ZIM2: variants seen among roughly 807,000 people sequenced by gnomAD.
The protein encoded by ZIM2 is zinc finger imprinted 2.
In ZIM2, 14 loss-of-function variants were observed where a neutral mutation model predicts 38.6. The observed-to-expected ratio is 0.36, with a 90% CI of 0.24 to 0.57. The LOEUF is 0.57. Ranked by LOEUF, ZIM2 falls within the 20% of genes least tolerant of loss-of-function variation. The probability of loss-of-function intolerance (pLI) is 0.81; values close to 1 mark genes in which losing one functional copy is unlikely to be tolerated. For missense variants in ZIM2, 680 were observed against 695.1 expected, an observed-to-expected ratio of 0.98 and a Z score of 0.24; for synonymous variants, 247 against 245.8, an observed-to-expected ratio of 1.00 and a Z score of -0.04.
chr19:56,814,415 G>A lies in ZIM2; in HGVS notation c.490+3331C>T. 2 of 1,613,940 alleles carry A rather than the reference G, an allele frequency of 1.2e-6. No homozygotes were observed. The highest frequency in any genetic ancestry group is 1.7e-6 in the Non-Finnish European group (2 of 1,179,830). ...TTATGTTTAGTGAGGACTGTGCTATGAATAAAGGACTTACCACAATCCTTG... is the reference window on the plus strand; with the variant it reads ...TTATGTTTAGTGAGGACTGTGCTATAAATAAAGGACTTACCACAATCCTTG... On this transcript the variant is annotated intron_variant, in intron 9 of 12. Coordinates refer to ENST00000629319, the MANE Select transcript of ZIM2 (RefSeq NM_001387356.1). The surrounding 1 kb of genome is among the most constrained non-coding windows in gnomAD (Gnocchi z 5.8).
chr19:56,816,204 GTCC>G, intron 9 of ZIM2: 1 of 1,614,066 alleles, frequency 6.2e-7, no homozygotes, highest in Non-Finnish European at 8.5e-7. Context: ...ACGCCTTTTC[GTCC>G]TCATCACTTT....
At chr19:56,793,158 G>C (rs935181409) in intron 9 of ZIM2, 1 of 152,650 alleles carries the variant, frequency 6.6e-6, no homozygotes, top group Non-Finnish European at 1.5e-5. Flanking sequence ...CCTTGGTGAG[G>C]ATCTCTGGCT....
At chr19:56,813,767 C>T (rs769113140) in intron 9 of ZIM2, 3 of 1,614,032 alleles carry the variant, frequency 1.9e-6, no homozygotes, top group South Asian at 2.2e-5. Context: ...TTCTCATCAG[C>T]TTGATTGGCA....
rs1286847521 is a variant in ZIM2, at chr19:56,775,213, C to T, written c.1152G>A (p.Lys384=). Residue 384 remains lysine, a synonymous_variant, in exon 13 of 13, where the codon AAG becomes AAA. Coordinates refer to ENST00000629319, the MANE Select transcript of ZIM2 (RefSeq NM_001387356.1). ...LRRHERIHTG[K]KPYECKQCAE... ...CACACTGTTTACATTCATAGGGTTTCTTCCCAGTATGGATCCGTTCGTGTC... is the reference window on the plus strand; with the variant it reads ...CACACTGTTTACATTCATAGGGTTTTTTCCCAGTATGGATCCGTTCGTGTC... 12 of 1,613,996 alleles carry T rather than the reference C, an allele frequency of 7.4e-6. No individual in the cohort carries two copies. Among genetic ancestry groups the T allele is most frequent in the Non-Finnish European group, 9.3e-6 (11 of 1,180,026 alleles).
chr19:56,806,994 C>A (rs1292660592), intron 9 of ZIM2, among the ~76,000 whole-genome samples: 2 of 152,246 alleles, frequency 1.3e-5, no homozygotes, highest in African/African-American at 4.8e-5. Context: ...GTTATGGCAG[C>A]CCAAATATAC....
rs142301456 is a variant in ZIM2 at position 56,788,668 on chromosome 19, G to A, written c.570+1204C>T. On this transcript the variant is annotated intron_variant, in intron 10 of 12. Coordinates refer to ENST00000629319, the MANE Select transcript of ZIM2 (RefSeq NM_001387356.1). ...AAGGAGTATTTTTGTGGTGGTCTCT[G>A]TATTTCCTGAATTTGCATGTTGGCC... is the stretch of plus-strand genomic sequence containing the variant. 2.2e-3 allele frequency among the ~76,000 whole-genome samples: 329 copies of A among 152,212 alleles called. 2 individuals carry two copies. Among genetic ancestry groups the A allele is most frequent in the African/African-American group, 7.7e-3 (321 of 41,520 alleles).
chr19:56,806,844 G>C (rs1012338619), intron 9 of ZIM2, among the ~76,000 whole-genome samples: 5 of 152,214 alleles, frequency 3.3e-5, no homozygotes, highest in Admixed American at 2.0e-4. Context: ...GATGCAGCAA[G>C]AAGTCATCAT....
At chr19:56,799,942 C>T (rs1250671588) in intron 9 of ZIM2, among the ~76,000 whole-genome samples, 1 of 152,188 alleles carries the variant, frequency 6.6e-6, no homozygotes, top group African/African-American at 2.4e-5. Context: ...ACAACGAATG[C>T]ATGCTGTGTC....
At chr19:56,811,721 G>C in intron 9 of ZIM2, 2 of 985,426 alleles carry the variant, frequency 2.0e-6, no homozygotes, top group Non-Finnish European at 1.2e-6. Context: ...CAGCTTTCCC[G>C]ATGTCCGTTC....
intron 10 of ZIM2, among the ~76,000 whole-genome samples, chr19:56,785,558 A>G (rs1027736136): frequency 1.3e-5 from 2 of 152,214 alleles, no homozygotes; most frequent in Non-Finnish European, 2.9e-5. Flanking sequence ...AGAAAACCTC[A>G]TAACAGTATC....
intron 9 of ZIM2, chr19:56,816,488 C>T (rs2146196793): frequency 6.2e-7 from 1 of 1,613,486 alleles, no homozygotes; most frequent in Non-Finnish European, 8.5e-7. Context: ...AATGGGTTCC[C>T]TCTAGTATGG....
chr19:56,836,628 C>T (rs1267633566), intron 1 of ZIM2, among the ~76,000 whole-genome samples: 1 of 152,044 alleles, frequency 6.6e-6, no homozygotes, highest in Non-Finnish European at 1.5e-5. Context: ...GGTTTATATT[C>T]CAAGAGTCAG....
intron 12 of ZIM2, among the ~76,000 whole-genome samples, chr19:56,779,098 AGAG>A (rs1475031483): frequency 6.6e-6 from 1 of 152,024 alleles, no homozygotes; most frequent in Non-Finnish European, 1.5e-5. Context: ...TCTCAGTTAA[AGAG>A]GAGAGATGTA....
chr19:56,817,338 C>A, intron 9 of ZIM2: 1 of 1,614,076 alleles, frequency 6.2e-7, no homozygotes. Flanking sequence ...TAAATGCATT[C>A]CCTTCATAAA....
At position 56,822,783 on chromosome 19, in the gene ZIM2, G is replaced by A. The variant is rs757562481; in HGVS notation, c.160C>T (p.Arg54Cys). ...CTTGGGTTCCTGGTGTGGGACCAGC[G>A]GTCTCGTGGCTCCATGTCTCTGCTT... The part of the protein sequence containing the change: ...GRSRDMEPRD[R>C]WSHTRNPRSR... Residue 54 changes from arginine (R) to cysteine (C), a missense_variant, in exon 6 of 13, where the codon CGC becomes TGC. Transcript: ENST00000629319. 9.3e-6 allele frequency: 15 copies of A among 1,614,022 alleles called. No homozygotes were observed. The highest frequency in any genetic ancestry group is 6.7e-5 in the Admixed American group (4 of 60,008).
chr19:56,811,151 A>T, intron 9 of ZIM2: 1 of 980,620 alleles, frequency 1.0e-6, no homozygotes, highest in Non-Finnish European at 1.2e-6. Context: ...AATGAGTTCA[A>T]ATTATGTTCA....
At chr19:56,821,569 A>C (rs1386815673) in intron 7 of ZIM2, 82 bp downstream of exon 7, 4 of 1,554,636 alleles carry the variant, frequency 2.6e-6, no homozygotes, top group Non-Finnish European at 2.6e-6. Flanking sequence ...GGGGCAGATA[A>C]ACACACCATC....
rs377543997 is a variant in ZIM2, at chr19:56,821,643, G to A, written c.294+8C>T. ...GCCTTTCTAGAAAGAGAGGAAACCT[G>A]AGCATACCTGAGATCGGGACTCATA... On this transcript the variant is annotated splice_region_variant and intron_variant, in intron 7 of 12. Coordinates refer to ENST00000629319, the MANE Select transcript of ZIM2 (RefSeq NM_001387356.1). 1 of 1,613,462 alleles carries A rather than the reference G, an allele frequency of 6.2e-7. No homozygotes were observed. The highest frequency in any genetic ancestry group is 1.1e-5 in the South Asian group (1 of 91,050).
At chr19:56,811,724 G>A (rs1183994751) in intron 9 of ZIM2, 18 of 985,528 alleles carry the variant, frequency 1.8e-5, no homozygotes, top group Non-Finnish European at 2.2e-5. Context: ...CTTTCCCGAT[G>A]TCCGTTCCAA....
Sources: gnomAD v4.1 joint callset for allele counts (sites outside exome capture counted in the v4.1 genomes callset) on GRCh38, gnomAD v4.1.1 for gene constraint, Gnocchi (gnomAD v3.1) non-coding constraint, MANE v1.5 for transcripts, NCBI Gene and HGNC (gene_info 2026-07-23, HGNC 2026-07-21) for gene names.